The following PDXDC1 variants were observed in gnomAD, a reference collection of about 807,000 sequenced individuals.
PDXDC1 encodes the protein pyridoxal-dependent decarboxylase domain-containing protein 1.
Under a neutral mutation model 100.1 loss-of-function variants are expected in PDXDC1, and 42 were observed. The ratio of observed to expected loss-of-function variants is 0.42; its 90% confidence interval spans 0.33 to 0.54. The LOEUF is 0.54. Among genes scored for constraint, PDXDC1 ranks in the 20% least tolerant of loss-of-function variants. The pLI is 0.10. For missense variants in PDXDC1, 636 were observed against 979.2 expected (o/e 0.65, Z 4.68); for synonymous variants, 260 against 371.7 (o/e 0.70, Z 3.46).
At chr16:15,007,135 A>G (rs1489493012) in intron 6 of PDXDC1, among the ~76,000 whole-genome samples, 1 of 141,164 alleles carries the variant, frequency 7.1e-6, no homozygotes, top group Non-Finnish European at 1.5e-5. Context: ...TCAGTCTAGA[A>G]TTGCTGGATC....
chr16:15,146,683 C>T, the PDXDC1 span, among the ~76,000 whole-genome samples: 3 of 152,154 alleles, frequency 2.0e-5, no homozygotes, highest in Admixed American at 6.5e-5. Flanking sequence ...CCGGTCTAAG[C>T]ACAGGCACAG....
At chr16:15,053,998 C>G (rs560322820) in intron 16 of PDXDC1, among the ~76,000 whole-genome samples, 1 of 152,276 alleles carries the variant, frequency 6.6e-6, no homozygotes, top group Non-Finnish European at 1.5e-5. Context: ...TCCATCTAAG[C>G]CCCTTGGTCA....
chr16:15,077,789 C>A (rs1490501309), intron 16 of PDXDC1, among the ~76,000 whole-genome samples: 7 of 152,158 alleles, frequency 4.6e-5, no homozygotes, highest in Non-Finnish European at 4.4e-5. Context: ...TGCAGTGAGC[C>A]GAGATCGCAC....
At chr16:15,133,323 G>T (rs963150079) in intron 16 of PDXDC1, 6 of 1,501,228 alleles carry the variant, frequency 4.0e-6, no homozygotes, top group Non-Finnish European at 5.5e-6. Flanking sequence ...GGATCGGCCT[G>T]CCGCAGCAGC....
chr16:15,088,420 T>A lies in PDXDC1; in HGVS notation c.1400-50459T>A, dbSNP rs530905929. ...AGGTTGAGGCTGCAGTGAGCCATGA[T>A]CGGGCCCATTACACTCCAGCCCGGG... On this transcript the variant is annotated intron_variant, in intron 16 of 16. Transcript: ENST00000535621. Among the ~76,000 whole-genome samples the A allele has an allele frequency of 1.2e-4, 18 of 152,104 alleles. 1 individual carries two copies. The South Asian group carries it at 3.5e-3, about 30-fold the overall frequency.
At chr16:15,056,539 G>A (rs1437178908) in intron 16 of PDXDC1, among the ~76,000 whole-genome samples, 2 of 152,198 alleles carry the variant, frequency 1.3e-5, no homozygotes, top group Non-Finnish European at 2.9e-5. Flanking sequence ...ACTTTGGGGG[G>A]CCGAGGCAGG....
At chr16:15,104,628 T>C (rs754371634) in intron 16 of PDXDC1, 4 of 1,598,392 alleles carry the variant, frequency 2.5e-6, no homozygotes, top group Middle Eastern at 2.2e-4. Flanking sequence ...CAGGGAGTTA[T>C]CAGTTATAGA....
At chr16:15,082,062 G>GT (rs2045728277) in intron 16 of PDXDC1, among the ~76,000 whole-genome samples, 1 of 152,196 alleles carries the variant, frequency 6.6e-6, no homozygotes, top group African/African-American at 2.4e-5. Flanking sequence ...GCAAAAGAGA[G>GT]TTTACGCCTT....
chr16:15,006,622 T>C (rs1369326547), intron 6 of PDXDC1, 39 bp downstream of exon 6: 2 of 1,495,760 alleles, frequency 1.3e-6, no homozygotes, highest in African/African-American at 2.8e-5. Context: ...AGAAATAATG[T>C]CTTATTTTGT....
chr16:15,125,600 C>T (rs2047667505), intron 16 of PDXDC1: 5 of 1,323,030 alleles, frequency 3.8e-6, no homozygotes, highest in Middle Eastern at 2.5e-4. Context: ...CCAGCAAAGG[C>T]CTGCTGAGAG....
chr16:15,027,497 T>G (rs1479532875), intron 14 of PDXDC1, among the ~76,000 whole-genome samples: 1 of 152,290 alleles, frequency 6.6e-6, no homozygotes, highest in Non-Finnish European at 1.5e-5. Flanking sequence ...TATCCCAGGT[T>G]CTTGTCTTGG....
intron 16 of PDXDC1, chr16:15,133,765 G>C: frequency 6.3e-7 from 1 of 1,587,372 alleles, no homozygotes; most frequent in Non-Finnish European, 8.6e-7. Context: ...GGGGGATCCC[G>C]CTGCTCCCCC....
At chr16:15,013,934 C>T (rs1311011764) in intron 8 of PDXDC1, among the ~76,000 whole-genome samples, 4 of 151,584 alleles carry the variant, frequency 2.6e-5, no homozygotes, top group Non-Finnish European at 4.4e-5. Context: ...AGGCCGGGTG[C>T]GGTGGCTCAT....
intron 16 of PDXDC1, chr16:15,135,561 G>A: frequency 6.3e-6 from 7 of 1,103,616 alleles, no homozygotes; most frequent in Admixed American, 1.8e-5. Context: ...CTGAGGACGG[G>A]CCAGCCCTGG....
intron 1 of PDXDC1, chr16:14,988,344 A>T: frequency 6.2e-7 from 1 of 1,614,176 alleles, no homozygotes; most frequent in Non-Finnish European, 8.5e-7. Flanking sequence ...GAAGAGGAAG[A>T]GGTGGAAGAG....
chr16:15,117,721 AG>A (rs1376962608), intron 16 of PDXDC1, among the ~76,000 whole-genome samples: 1 of 113,560 alleles, frequency 8.8e-6, no homozygotes, highest in East Asian at 2.4e-4. Context: ...AAAAAAAAAA[AG>A]CTTCCTCCAA....
chr16:15,083,403 A>C, intron 16 of PDXDC1: 1 of 1,489,924 alleles, frequency 6.7e-7, no homozygotes. Flanking sequence ...GGTCTCAAAA[A>C]AGAAAAAGAA....
intron 16 of PDXDC1, among the ~76,000 whole-genome samples, chr16:15,078,770 G>A (rs2045569111): frequency 6.6e-6 from 1 of 151,044 alleles, no homozygotes; most frequent in South Asian, 2.1e-4. Flanking sequence ...ACCTGGCCAA[G>A]ATGGAACTAC....
intron 16 of PDXDC1, among the ~76,000 whole-genome samples, chr16:15,065,546 G>C (rs539804635): frequency 3.9e-5 from 6 of 152,252 alleles, no homozygotes; most frequent in African/African-American, 1.4e-4. Flanking sequence ...ACCGTTCTAT[G>C]GGTCTTCTAT....
Sources: gnomAD v4.1 joint callset for allele counts (sites outside exome capture counted in the v4.1 genomes callset) on GRCh38, gnomAD v4.1.1 for gene constraint, MANE v1.5 for transcripts, NCBI Gene and HGNC (gene_info 2026-07-23, HGNC 2026-07-21) for gene names.